OPCML: variants seen among roughly 807,000 people sequenced by gnomAD.
OPCML encodes opioid-binding protein/cell adhesion molecule.
Under a neutral mutation model 37.8 loss-of-function variants are expected in OPCML, and 13 were observed. That is an observed-to-expected ratio of 0.34 (90% CI 0.22 to 0.55). The LOEUF (loss-of-function observed/expected upper bound fraction) is 0.55, where lower values mean the gene tolerates loss of function less well. Ranked by LOEUF, OPCML falls within the 20% of genes least tolerant of loss-of-function variation. The pLI is 0.91. For missense variants in OPCML, 341 were observed against 435.6 expected (o/e 0.78, Z 1.93); for synonymous variants, 176 against 168.8 (o/e 1.04, Z -0.33).
At chr11:132,999,572 G>GT (rs201613742) in intron 1 of OPCML, among the ~76,000 whole-genome samples, 23,327 of 150,810 alleles carry the variant, frequency 0.15, 2,225 homozygotes, top group Admixed American at 0.31. Context: ...ATGGGGTCGG[G>GT]GGGGGAATGC....
At chr11:132,807,467 T>A (rs539573881) in intron 2 of OPCML, among the ~76,000 whole-genome samples, 24 of 152,300 alleles carry the variant, frequency 1.6e-4, no homozygotes, top group Non-Finnish European at 2.6e-4. Context: ...TATAAAAAAA[T>A]CTGTAAGTCC....
chr11:132,459,728 G>A lies in OPCML; in HGVS notation c.506-22369C>T, dbSNP rs144168423. ...TATCTTCCAAATGTTGACATACTTC[G>A]TTATACGAAAGTTAAAAAAAAAATC... On this transcript the variant is annotated intron_variant, in intron 4 of 7. Coordinates refer to ENST00000524381, the MANE Select transcript of OPCML (RefSeq NM_001012393.5). Among the ~76,000 whole-genome samples the A allele has an allele frequency of 4.8e-4, 52 of 109,384 alleles. No homozygotes were observed. In the South Asian group the frequency reaches 6.9e-3, roughly 15 times the overall value. 71.8% of individuals were successfully genotyped at this position (109,384 alleles called of 152,430 possible).
intron 2 of OPCML, among the ~76,000 whole-genome samples, chr11:132,842,685 C>T (rs925837144): frequency 1.5e-4 from 23 of 152,170 alleles, no homozygotes; most frequent in Non-Finnish European, 2.1e-4. Context: ...TTTCTCTCAC[C>T]ATACCCATTC....
At chr11:133,110,646 G>A (rs982313029) in intron 1 of OPCML, among the ~76,000 whole-genome samples, 1 of 152,116 alleles carries the variant, frequency 6.6e-6, no homozygotes, top group African/African-American at 2.4e-5. Context: ...CTCATTCTGG[G>A]TTCAGTGTGT....
intron 1 of OPCML, among the ~76,000 whole-genome samples, chr11:133,119,650 C>T (rs1254381168): frequency 4.6e-5 from 7 of 152,066 alleles, no homozygotes; most frequent in Admixed American, 3.9e-4. Context: ...CAGAGTCTTG[C>T]GGGACAATTT....
rs537596747 is a variant in OPCML at position 133,416,468 on chromosome 11, T to C, written c.61+115796A>G. 2.6e-5 allele frequency among the ~76,000 whole-genome samples: 4 copies of C among 152,340 alleles called. No homozygotes were observed. In the South Asian group the frequency reaches 8.3e-4, roughly 32 times the overall value. On this transcript the variant is annotated intron_variant, in intron 1 of 7. Coordinates refer to ENST00000524381, the MANE Select transcript of OPCML (RefSeq NM_001012393.5). Reference sequence around the variant, plus strand: ...GGCTCAATACCATCCTATTCAGACCTCACCTCCTCTGGGAAGCCACCTCTA... The same window carrying C: ...GGCTCAATACCATCCTATTCAGACCCCACCTCCTCTGGGAAGCCACCTCTA...
At chr11:133,241,268 A>G (rs938609302) in intron 1 of OPCML, among the ~76,000 whole-genome samples, 62 of 152,250 alleles carry the variant, frequency 4.1e-4, no homozygotes, top group African/African-American at 1.1e-3. Context: ...ACTATTTTCT[A>G]TCACTTCCAC....
intron 1 of OPCML, among the ~76,000 whole-genome samples, chr11:133,403,237 CAAATA>C (rs1364472248): frequency 6.6e-6 from 1 of 152,124 alleles, no homozygotes; most frequent in Non-Finnish European, 1.5e-5. Flanking sequence ...TTGTAAGGGT[CAAATA>C]AAATAGTATA....
chr11:133,191,578 C>T (rs190548317), intron 1 of OPCML, among the ~76,000 whole-genome samples: 66 of 150,906 alleles, frequency 4.4e-4, no homozygotes, highest in African/African-American at 1.4e-3. Flanking sequence ...AGTACAAAGG[C>T]GTGATCTTGG....
intron 4 of OPCML, among the ~76,000 whole-genome samples, chr11:132,490,549 C>G (rs899091238): frequency 2.0e-5 from 3 of 151,838 alleles, no homozygotes; most frequent in Admixed American, 6.6e-5. Context: ...CTGACCTTTG[C>G]TTTGAAATGA....
intron 1 of OPCML, among the ~76,000 whole-genome samples, chr11:133,034,091 C>T (rs1214539022): frequency 6.6e-6 from 1 of 152,152 alleles, no homozygotes; most frequent in African/African-American, 2.4e-5. Context: ...TGCTTGCCAA[C>T]CATGCTTTCA....
chr11:132,487,884 A>C (rs1592252322), intron 4 of OPCML, among the ~76,000 whole-genome samples: 1 of 152,142 alleles, frequency 6.6e-6, no homozygotes, highest in Non-Finnish European at 1.5e-5. Flanking sequence ...TTTCCTTCTC[A>C]ATTTGATTAC....
At chr11:132,849,751 T>C (rs4575282) in intron 2 of OPCML, among the ~76,000 whole-genome samples, 17,188 of 152,192 alleles carry the variant, frequency 0.11, 2,068 homozygotes, top group East Asian at 0.63. Context: ...AGGACATGGT[T>C]CACAGCTGGC....
chr11:132,751,907 G>A (rs1198675872), intron 2 of OPCML, among the ~76,000 whole-genome samples: 2 of 152,184 alleles, frequency 1.3e-5, no homozygotes, highest in Non-Finnish European at 1.5e-5. Flanking sequence ...TGTTAGTGAG[G>A]AGAAACCAGT....
At chr11:133,461,043 A>G (rs1591527069) in intron 1 of OPCML, among the ~76,000 whole-genome samples, 1 of 152,008 alleles carries the variant, frequency 6.6e-6, no homozygotes, top group African/African-American at 2.4e-5. Context: ...GCATTATTTC[A>G]TGATGAAAAC....
At chr11:133,352,676 T>C (rs564269444) in intron 1 of OPCML, among the ~76,000 whole-genome samples, 2 of 152,332 alleles carry the variant, frequency 1.3e-5, no homozygotes, top group African/African-American at 4.8e-5. Context: ...TTAAAAACTA[T>C]TGAATGAATA....
chr11:133,228,709 T>C (rs1940146770), intron 1 of OPCML, among the ~76,000 whole-genome samples: 1 of 152,260 alleles, frequency 6.6e-6, no homozygotes. Context: ...TGGAAGGAGA[T>C]TGGCTCCTGC....
intron 1 of OPCML, among the ~76,000 whole-genome samples, chr11:133,392,455 G>A (rs1192028163): frequency 6.6e-6 from 1 of 152,150 alleles, no homozygotes; most frequent in Non-Finnish European, 1.5e-5. Flanking sequence ...GAGAGGCTAG[G>A]AAAGGGTGAA....
rs181895246 is a variant in OPCML at position 132,563,595 on chromosome 11, A to C, written c.380-34409T>G. Among the ~76,000 whole-genome samples the C allele has an allele frequency of 1.7e-3, 258 of 151,854 alleles. 4 individuals carry two copies. In the South Asian group the frequency reaches 0.025, roughly 15 times the overall value. ...ATTAATTGTTCATTTTAAATTGGTT[A>C]ATTCTATGTTATACAAATTTTGCCT... On this transcript the variant is annotated intron_variant, in intron 3 of 7. Coordinates refer to ENST00000524381, the MANE Select transcript of OPCML (RefSeq NM_001012393.5).
Sources: gnomAD v4.1 joint callset for allele counts (sites outside exome capture counted in the v4.1 genomes callset) on GRCh38, gnomAD v4.1.1 for gene constraint, MANE v1.5 for transcripts, NCBI Gene and HGNC (gene_info 2026-07-23, HGNC 2026-07-21) for gene names.